Variants in GPLD1 observed in about 807,000 individuals in gnomAD.
GPLD1 encodes glycosylphosphatidylinositol specific phospholipase D1.
Under a neutral mutation model 112.6 loss-of-function variants are expected in GPLD1, and 84 were observed. That is an observed-to-expected ratio of 0.75 (90% confidence interval 0.63 to 0.89). The LOEUF (loss-of-function observed/expected upper bound fraction) is 0.89, where lower values mean the gene tolerates loss of function less well. Ranked by LOEUF, GPLD1 falls within the 40% of genes least tolerant of loss-of-function variation. The probability of loss-of-function intolerance (pLI) is 0.00; values close to 1 mark genes in which losing one functional copy is unlikely to be tolerated. For missense variants in GPLD1, 1,044 were observed against 1,051.5 expected, an observed-to-expected ratio of 0.99 and a Z score of 0.10; for synonymous variants, 386 against 403.8, an observed-to-expected ratio of 0.96 and a Z score of 0.53.
chr6:24,458,872 T>C lies in GPLD1; in HGVS notation c.1008+1407A>G, dbSNP rs144120561. On this transcript the variant is annotated intron_variant, in intron 12 of 24. Coordinates refer to ENST00000230036, the MANE Select transcript of GPLD1 (RefSeq NM_001503.4). ...TAGCTCAGGTGACAGAGCAAGACTC[T>C]GTCTCAAAAAAAAAAAAATTGTTAA... Among the ~76,000 whole-genome samples, 1,034 of 134,246 alleles carry C rather than the reference T, an allele frequency of 7.7e-3. 16 individuals carry two copies. The highest frequency in any genetic ancestry group is 0.024 in the African/African-American group (929 of 38,134). The allele number at this position is 134,246 out of a possible 152,430, so 88.1% of individuals were successfully genotyped here. A position where few individuals can be genotyped will look rare whatever the true frequency, so the allele number is the denominator to read the frequency against.
At chr6:24,439,711 TA>T (rs2127322190) in intron 20 of GPLD1, among the ~76,000 whole-genome samples, 1 of 152,352 alleles carries the variant, frequency 6.6e-6, no homozygotes, top group Non-Finnish European at 1.5e-5. Flanking sequence ...TAGGCATTTC[TA>T]TATTATTTCA....
intron 20 of GPLD1, among the ~76,000 whole-genome samples, chr6:24,437,753 G>A (rs1200246444): frequency 3.9e-5 from 6 of 152,116 alleles, no homozygotes; most frequent in Non-Finnish European, 8.8e-5. Context: ...TTAAATTTGG[G>A]CCTTTGGACA....
At chr6:24,487,271 A>G (rs757784193) in intron 1 of GPLD1, among the ~76,000 whole-genome samples, 5 of 152,020 alleles carry the variant, frequency 3.3e-5, no homozygotes, top group African/African-American at 7.3e-5. Context: ...AGGCCCCTTT[A>G]TAAGAAATGA....
chr6:24,456,396 A>AAAAAT (rs979954949), intron 13 of GPLD1, 102 bp downstream of exon 13: 29 of 845,984 alleles, frequency 3.4e-5, no homozygotes, highest in East Asian at 5.5e-5. Flanking sequence ...ACTCTGTCTC[A>AAAAAT]AAAATAAAAT....
intron 10 of GPLD1, among the ~76,000 whole-genome samples, chr6:24,463,076 C>A (rs980820635): frequency 3.9e-5 from 6 of 152,150 alleles, no homozygotes; most frequent in African/African-American, 1.4e-4. Context: ...CACGCTAACA[C>A]GAAACGTCTC....
At chr6:24,424,439 C>CCCCTGCCCTG (rs10690086), downstream of GPLD1, 1 of 146,916 alleles carries the variant, frequency 6.8e-6, no homozygotes, top group East Asian at 2.0e-4. Context: ...TTAGATACCA[C>CCCCTGCCCTG]CCCTGCCCTG....
chr6:24,446,382 C>T (rs377364909), intron 18 of GPLD1, among the ~76,000 whole-genome samples: 6 of 151,854 alleles, frequency 4.0e-5, no homozygotes, highest in South Asian at 2.1e-4. Context: ...TGGGCACACA[C>T]GACTTGTAGT....
At position 24,446,955 on chromosome 6, in the gene GPLD1, T is replaced by C. The variant is rs1238592424; in HGVS notation, c.1703A>G (p.Asn568Ser). 6.8e-6 allele frequency: 11 copies of C among 1,613,546 alleles called. No individual in the cohort carries two copies. The highest frequency in any genetic ancestry group is 2.2e-5 in the East Asian group (1 of 44,850). The change falls in exon 18 of 25, where the codon AAC (asparagine) becomes AGC (serine). Residue 568 changes from asparagine to serine, a missense_variant. Transcript: ENST00000230036. Reference sequence around the variant, plus strand: ...GTCTTCCTCGCCTCTCACCGTCCAGTTGGCTGCCTCCACGTTCAGTTTTTC... The same window carrying C: ...GTCTTCCTCGCCTCTCACCGTCCAGCTGGCTGCCTCCACGTTCAGTTTTTC... ...DKEKLNVEAA[N>S]WTVRGEEDFS...
Position 24,446,869 on chromosome 6 carries a change from C to A in GPLD1, c.1789G>T (p.Val597Phe). The A allele has an allele frequency of 6.2e-7, 1 of 1,613,922 alleles. No homozygotes were observed. The highest frequency in any genetic ancestry group is 8.5e-7 in the Non-Finnish European group (1 of 1,179,922). The change falls in exon 18 of 25, where the codon GTT (valine) becomes TTT (phenylalanine). Residue 597 changes from valine (V) to phenylalanine (F), a missense_variant. Transcript: ENST00000230036. ...VTVDNRTLLL[V>F]GSPTWKNASR... ...GCATTCTTCCAGGTCGGGCTCCCAA[C>A]CAACAGCAAGGTTCTGTTGTCCACA...
chr6:24,495,239 G>C (rs1457060534), upstream of GPLD1: 5 of 1,524,080 alleles, frequency 3.3e-6, no homozygotes, highest in South Asian at 1.2e-5. Context: ...TGCAAGACCC[G>C]GCCAGCGGCG....
intron 24 of GPLD1, among the ~76,000 whole-genome samples, chr6:24,429,891 G>A (rs1010506835): frequency 1.3e-5 from 2 of 152,138 alleles, no homozygotes; most frequent in African/African-American, 2.4e-5. Flanking sequence ...CTCCGAGGTC[G>A]GATTTGATTT....
chr6:24,433,040 A>T, intron 24 of GPLD1, 147 bp downstream of exon 24: 1 of 719,410 alleles, frequency 1.4e-6, no homozygotes, highest in Non-Finnish European at 2.5e-6. Context: ...CAAGGAAGTG[A>T]TGAGATTATA....
At chr6:24,453,279 T>C (rs538177188) in intron 14 of GPLD1, among the ~76,000 whole-genome samples, 3 of 152,044 alleles carry the variant, frequency 2.0e-5, no homozygotes, top group Non-Finnish European at 2.9e-5. Context: ...GATGTTAACA[T>C]AGGGGAAAAT....
intron 24 of GPLD1, among the ~76,000 whole-genome samples, chr6:24,429,671 C>T (rs1210610920): frequency 6.6e-6 from 1 of 152,160 alleles, no homozygotes; most frequent in Admixed American, 6.5e-5. Context: ...TCTCAGCCTC[C>T]CGAGTAGCGG....
At chr6:24,449,962 C>T in intron 14 of GPLD1, 63 bp from the exon 15 acceptor site, 1 of 1,181,716 alleles carries the variant, frequency 8.5e-7, no homozygotes, top group South Asian at 1.3e-5. Context: ...GCACTCCTGA[C>T]CCCCAGGGAG....
chr6:24,494,178 A>G (rs906100408), upstream of GPLD1, among the ~76,000 whole-genome samples: 2 of 152,220 alleles, frequency 1.3e-5, no homozygotes, highest in African/African-American at 4.8e-5. Context: ...TAGGGTAGCT[A>G]GTATGACTTT....
intron 3 of GPLD1, among the ~76,000 whole-genome samples, chr6:24,479,583 C>T (rs566653254): frequency 2.0e-5 from 3 of 152,286 alleles, no homozygotes; most frequent in African/African-American, 7.2e-5. Context: ...CAAACTCAGA[C>T]CTTTTGATCT....
intron 10 of GPLD1, among the ~76,000 whole-genome samples, chr6:24,464,489 T>C (rs546573703): frequency 2.0e-4 from 31 of 152,332 alleles, no homozygotes; most frequent in African/African-American, 7.5e-4. Context: ...TACTCACCGA[T>C]TGTTAAAAAC....
Position 24,460,278 on chromosome 6 carries a change from C to G in GPLD1, c.1008+1G>C, listed in dbSNP as rs778652506. The stretch of plus-strand genomic sequence containing the variant: ...CTCAACTTAGAGCAGAAAATTCTTA[C>G]CGGGGTCCAGGAATTTACACTAAAG... On this transcript the variant is annotated splice_donor_variant, in intron 12 of 24. Coordinates refer to ENST00000230036, the MANE Select transcript of GPLD1 (RefSeq NM_001503.4). LOFTEE classifies it high-confidence loss of function. 7 of 1,613,850 alleles carry G rather than the reference C, an allele frequency of 4.3e-6. No homozygotes were observed. The South Asian group carries it at 4.4e-5, about 10-fold the overall frequency.
Sources: gnomAD v4.1 joint callset for allele counts (sites outside exome capture counted in the v4.1 genomes callset) on GRCh38, gnomAD v4.1.1 for gene constraint, MANE v1.5 for transcripts, NCBI Gene and HGNC (gene_info 2026-07-23, HGNC 2026-07-21) for gene names.